Variants in POLQ observed in about 807,000 individuals in gnomAD.
POLQ encodes the protein DNA polymerase theta, also known as epididymis secretory sperm binding protein.
In POLQ, 233 loss-of-function variants were observed where a neutral mutation model predicts 259.2. The observed-to-expected ratio is 0.90, with a 90% confidence interval of 0.81 to 1.00. The LOEUF (loss-of-function observed/expected upper bound fraction) is 1.00, where lower values mean the gene tolerates loss of function less well. Ranked by LOEUF, POLQ falls within the 50% of genes least tolerant of loss-of-function variation. The pLI is 0.00. For synonymous variants in POLQ, 1,025 were observed against 1,048.8 expected (o/e 0.98, Z 0.44); for missense variants, 2,871 against 3,051.6 (o/e 0.94, Z 1.39).
rs754549775 is a variant in POLQ, at chr3:121,436,117, C to T, written c.7543+5G>A. On this transcript the variant is annotated splice_donor_5th_base_variant and intron_variant, in intron 28 of 29. Transcript: ENST00000264233. ...TTACAGCACAGGCCTCATCTATGAA[C>T]AAACCTGTTTGGTCACTTTGGAGCA... The T allele has an allele frequency of 1.0e-4, 166 of 1,611,400 alleles. No individual in the cohort carries two copies. The highest frequency in any genetic ancestry group is 1.3e-4 in the Non-Finnish European group (158 of 1,177,748).
chr3:121,447,847 G>A (rs887152593), intron 26 of POLQ, among the ~76,000 whole-genome samples: 7 of 152,084 alleles, frequency 4.6e-5, no homozygotes, highest in Non-Finnish European at 8.8e-5. Flanking sequence ...GGTAAAAGCT[G>A]TTTTTCCTTT....
At chr3:121,468,787 G>A (rs919005399) in intron 22 of POLQ, among the ~76,000 whole-genome samples, 1 of 152,090 alleles carries the variant, frequency 6.6e-6, no homozygotes, top group African/African-American at 2.4e-5. Context: ...CTAATCAAAT[G>A]GATCTTAGGA....
At chr3:121,532,937 A>T in intron 6 of POLQ, 53 bp downstream of exon 6, 1 of 1,142,500 alleles carries the variant, frequency 8.8e-7, no homozygotes, top group South Asian at 1.5e-5. Context: ...TTGCTAGAAA[A>T]TGAAATCAAA....
intron 25 of POLQ, among the ~76,000 whole-genome samples, chr3:121,450,235 T>A (rs910892199): frequency 6.6e-6 from 1 of 152,154 alleles, no homozygotes; most frequent in East Asian, 1.9e-4. Flanking sequence ...TCTGTATAAA[T>A]ATCATTAAAT....
intron 24 of POLQ, among the ~76,000 whole-genome samples, chr3:121,465,126 G>A (rs761405691): frequency 3.0e-4 from 42 of 141,144 alleles, no homozygotes; most frequent in Non-Finnish European, 5.0e-4. Context: ...TTGCTTTTTC[G>A]CCTAGGCTGG....
At chr3:121,515,674 C>G (rs561080055) in intron 9 of POLQ, among the ~76,000 whole-genome samples, 6 of 152,320 alleles carry the variant, frequency 3.9e-5, no homozygotes, top group Admixed American at 3.3e-4. Flanking sequence ...AAAGGCTAGA[C>G]AAGTGAAGTT....
At chr3:121,521,979 A>G (rs2048339267) in intron 8 of POLQ, 24 bp downstream of exon 8, 1 of 1,513,390 alleles carries the variant, frequency 6.6e-7, no homozygotes, top group Non-Finnish European at 8.9e-7. Flanking sequence ...GAGGTTTCTT[A>G]ATAACATTAT....
At chr3:121,486,302 G>A (rs1277128745) in intron 16 of POLQ, among the ~76,000 whole-genome samples, 1 of 152,192 alleles carries the variant, frequency 6.6e-6, no homozygotes, top group African/African-American at 2.4e-5. Context: ...TGTAATCCCA[G>A]CACTTTGGGA....
intron 14 of POLQ, 47 bp from the exon 15 acceptor site, chr3:121,493,768 C>T (rs368922078): frequency 5.3e-5 from 81 of 1,529,820 alleles, no homozygotes; most frequent in Middle Eastern, 1.7e-4. Flanking sequence ...TTTTTACAGA[C>T]GAATTCTCCA....
At chr3:121,463,761 A>C (rs1397111759) in intron 24 of POLQ, among the ~76,000 whole-genome samples, 1 of 152,184 alleles carries the variant, frequency 6.6e-6, no homozygotes, top group Non-Finnish European at 1.5e-5. Flanking sequence ...TGTCATTAAA[A>C]ACTTCTTTTT....
Position 121,487,346 on chromosome 3 carries a change from A to G in POLQ, c.5585T>C (p.Leu1862Ser). The stretch of plus-strand genomic sequence containing the variant: ...AATAGTAGCAGTTTTAGAAGATGTC[A>G]AACTTCTAATCTTTTCACAAGCCAG... ...ISLACEKIRS[L>S]TSSKTATIGS... Residue 1862 changes from leucine to serine, a missense_variant, in exon 16 of 30, where the codon TTG becomes TCG. Around this residue, in one of 3 missense-constraint regions of POLQ, gnomAD observed 2,080 missense variants for 2,126.0 expected, o/e 0.98. Coordinates refer to ENST00000264233, the MANE Select transcript of POLQ (RefSeq NM_199420.4). The G allele has an allele frequency of 1.2e-6, 2 of 1,610,304 alleles. No individual in the cohort carries two copies. The highest frequency in any genetic ancestry group is 1.7e-6 in the Non-Finnish European group (2 of 1,178,626).
intron 15 of POLQ, among the ~76,000 whole-genome samples, chr3:121,491,236 C>G (rs1366301928): frequency 6.7e-6 from 1 of 150,350 alleles, no homozygotes; most frequent in East Asian, 2.0e-4. Context: ...GCCTGTAGTC[C>G]CAGCTACTTG....
chr3:121,545,966 T>C lies in POLQ; in HGVS notation c.-89A>G, dbSNP rs1433226761. 2.7e-6 allele frequency: 4 copies of C among 1,460,114 alleles called. No homozygotes were observed. The East Asian group carries it at 7.4e-5, about 27-fold the overall frequency. 90.4% of individuals were successfully genotyped at this position (1,460,114 alleles called of 1,614,324 possible). On this transcript the variant is annotated 5_prime_UTR_variant, in exon 1 of 30. An upstream start codon of the reference 5' UTR is lost. Transcript: ENST00000264233. ...CCTGGCCTGGCAACAGCTGCGGACATCTTCCCGCCAGTCTTCAAACTCAAA... is the reference window on the plus strand; with the variant it reads ...CCTGGCCTGGCAACAGCTGCGGACACCTTCCCGCCAGTCTTCAAACTCAAA...
rs1270627532 is a variant in POLQ, at chr3:121,533,101, G to A, written c.849C>T (p.Tyr283=). The A allele has an allele frequency of 2.5e-6, 4 of 1,613,998 alleles. No individual in the cohort carries two copies. In the Admixed American group the frequency reaches 6.7e-5, roughly 27 times the overall value. ...LVASWLNAEL[Y]HTDFRPVPLL... ...GCGGTACAGGGCGAAAGTCGGTATGGTAGAGTTCAGCATTCAACCAGGAAG... is the reference window on the plus strand; with the variant it reads ...GCGGTACAGGGCGAAAGTCGGTATGATAGAGTTCAGCATTCAACCAGGAAG... Residue 283 remains tyrosine (Y), a synonymous_variant, in exon 6 of 30, where the codon TAC becomes TAT. Transcript: ENST00000264233.
At position 121,460,215 on chromosome 3, in the gene POLQ, A is replaced by G. The variant is rs766459523; in HGVS notation, c.6987T>C (p.Ala2329=). 1 of 1,613,352 alleles carries G rather than the reference A, an allele frequency of 6.2e-7. No individual in the cohort carries two copies. The highest frequency in any genetic ancestry group is 8.5e-7 in the Non-Finnish European group (1 of 1,179,244). Reference sequence around the variant, plus strand: ...TCCTCAGTTCAAGCTGAGAGTAGTCAGCAGCCAGTATTGAACCACCTGAAG... The same window carrying G: ...TCCTCAGTTCAAGCTGAGAGTAGTCGGCAGCCAGTATTGAACCACCTGAAG... ...VPFPGGSILA[A]DYSQLELRIL... Residue 2329 remains alanine, a synonymous_variant, in exon 25 of 30, where the codon GCT becomes GCC. Transcript: ENST00000264233.
rs370387790 is a variant in POLQ, at chr3:121,483,283, ACT to A, written c.5970+101_5970+102del. ...AATAAAGAAGTGACTACTCTAAAAT[ACT>A]TTTAAGCTGCATTATTGATGCTAAG... On this transcript the variant is annotated intron_variant, in intron 18 of 29. Transcript: ENST00000264233. 7.8e-5 allele frequency: 33 copies of A among 421,502 alleles called. No homozygotes were observed. The African/African-American group carries it at 2.4e-3, about 31-fold the overall frequency. The allele number at this position is 421,502 out of a possible 1,614,324, so 26.1% of individuals were successfully genotyped here.
chr3:121,479,351 A>G (rs76605223), intron 19 of POLQ, among the ~76,000 whole-genome samples: 1 of 123,154 alleles, frequency 8.1e-6, no homozygotes, highest in Non-Finnish European at 1.7e-5. Context: ...CATCTCTACA[A>G]AAAAAAAAAA....
chr3:121,468,164 G>A, intron 23 of POLQ, 141 bp downstream of exon 23: 1 of 597,342 alleles, frequency 1.7e-6, no homozygotes, highest in East Asian at 3.1e-5. Context: ...TGGGACTCAG[G>A]ATTCAAAACG....
chr3:121,509,439 A>G (rs1202054550), intron 12 of POLQ, 122 bp downstream of exon 12: 2 of 688,922 alleles, frequency 2.9e-6, no homozygotes, highest in East Asian at 5.4e-5. Context: ...TATTCCCACC[A>G]GTACTAACCT....
Sources: allele counts gnomAD v4.1 joint callset (sites outside exome capture counted in the v4.1 genomes callset), GRCh38; gene constraint gnomAD v4.1.1; regional missense constraint gnomAD v4.1.1; transcripts MANE v1.5; gene names NCBI Gene and HGNC (gene_info 2026-07-23, HGNC 2026-07-21).